CCDC7: variants seen among roughly 807,000 people sequenced by gnomAD.
CCDC7 encodes the protein coiled-coil domain-containing protein 7.
Under a neutral mutation model 196.9 loss-of-function variants are expected in CCDC7, and 183 were observed. The observed-to-expected ratio is 0.93, with a 90% confidence interval of 0.82 to 1.05. The LOEUF (loss-of-function observed/expected upper bound fraction) is 1.05, where lower values mean the gene tolerates loss of function less well. CCDC7 is among the 50% of genes least tolerant of loss of function. The pLI, the probability that CCDC7 is intolerant of heterozygous loss-of-function variation, is 0.00. For missense variants in CCDC7, 1,540 were observed against 1,482.2 expected (o/e 1.04, Z -0.64); for synonymous variants, 525 against 484.6 (o/e 1.08, Z -1.10).
chr10:32,775,205 G>C (rs1394645845), intron 28 of CCDC7, among the ~76,000 whole-genome samples: 1 of 152,110 alleles, frequency 6.6e-6, no homozygotes, highest in Admixed American at 6.5e-5. Context: ...TACTGTTATA[G>C]GTTCAAGACA....
chr10:32,607,446 T>A (rs1337619463), intron 18 of CCDC7, among the ~76,000 whole-genome samples: 2 of 152,206 alleles, frequency 1.3e-5, no homozygotes, highest in Non-Finnish European at 2.9e-5. Context: ...CCCCATTCAG[T>A]ATAATGTTAG....
chr10:32,489,841 G>A (rs1170869562), intron 8 of CCDC7, among the ~76,000 whole-genome samples: 3 of 152,082 alleles, frequency 2.0e-5, no homozygotes, highest in Non-Finnish European at 4.4e-5. Context: ...TGGAGCCTGG[G>A]TACATATGGA....
chr10:32,574,164 C>G (rs1341907341), intron 16 of CCDC7, among the ~76,000 whole-genome samples: 1 of 151,868 alleles, frequency 6.6e-6, no homozygotes, highest in Non-Finnish European at 1.5e-5. Flanking sequence ...AGAATCTATA[C>G]AGTGTGCTCA....
At chr10:32,582,918 T>C (rs1045351851) in intron 16 of CCDC7, 116 bp from the exon 18 acceptor site, 2 of 578,040 alleles carry the variant, frequency 3.5e-6, no homozygotes, top group African/African-American at 3.9e-5. Context: ...AACCATAAAC[T>C]AATGAGTAAT....
intron 13 of CCDC7, among the ~76,000 whole-genome samples, chr10:32,563,374 G>A (rs2056139971): frequency 6.6e-6 from 1 of 152,168 alleles, no homozygotes; most frequent in South Asian, 2.1e-4. Context: ...AAAGCTGGAG[G>A]CATCATGCTA....
chr10:32,686,029 A>G, exon 22 of CCDC7: 1 of 1,588,880 alleles, frequency 6.3e-7, no homozygotes, highest in Non-Finnish European at 8.6e-7. Context: ...ATTGTCAAAA[A>G]CCAAATTACA....
chr10:32,729,534 C>G (rs914930200), intron 28 of CCDC7, 77 bp downstream of exon 29: 2 of 656,604 alleles, frequency 3.0e-6, no homozygotes, highest in African/African-American at 1.8e-5. Context: ...TATAAATATG[C>G]CTTCAACCAT....
At chr10:32,848,680 C>T (rs975325994) in exon 39 of CCDC7, 2 of 1,552,932 alleles carry the variant, frequency 1.3e-6, no homozygotes, top group Non-Finnish European at 1.8e-6. Flanking sequence ...AGTAAATTCC[C>T]AACAAAAGTG....
intron 8 of CCDC7, among the ~76,000 whole-genome samples, chr10:32,475,539 G>A (rs954060313): frequency 6.6e-6 from 1 of 152,286 alleles, no homozygotes; most frequent in African/African-American, 2.4e-5. Context: ...TTGAGATTTT[G>A]CTCATGGTTC....
At chr10:32,752,277 A>G (rs1565393760) in intron 28 of CCDC7, among the ~76,000 whole-genome samples, 1 of 152,106 alleles carries the variant, frequency 6.6e-6, no homozygotes, top group South Asian at 2.1e-4. Flanking sequence ...ATGCCTTCCT[A>G]TGCACATTTA....
chr10:32,660,283 A>G (rs1208403409), intron 20 of CCDC7, among the ~76,000 whole-genome samples: 2 of 60,664 alleles, frequency 3.3e-5, no homozygotes, highest in Admixed American at 1.7e-4. Context: ...GCCTCCCCCC[A>G]CCCCACAACA....
At chr10:32,487,932 AGGG>A (rs2134356220) in intron 8 of CCDC7, among the ~76,000 whole-genome samples, 1 of 152,308 alleles carries the variant, frequency 6.6e-6, no homozygotes, top group Non-Finnish European at 1.5e-5. Flanking sequence ...CTCAGGGGTC[AGGG>A]ACCCACTTGA....
At chr10:32,597,020 A>G (rs1266027999) in intron 18 of CCDC7, among the ~76,000 whole-genome samples, 1 of 152,048 alleles carries the variant, frequency 6.6e-6, no homozygotes, top group Non-Finnish European at 1.5e-5. Flanking sequence ...TGCTCTTCTC[A>G]AGGAATATCT....
intron 30 of CCDC7, among the ~76,000 whole-genome samples, chr10:32,807,934 T>G (rs2086197122): frequency 1.3e-5 from 2 of 152,174 alleles, no homozygotes; most frequent in African/African-American, 4.8e-5. Context: ...TTTTTCCATG[T>G]TGGCCAGGCT....
At chr10:32,872,171 C>G (rs2094453154) in intron 41 of CCDC7, among the ~76,000 whole-genome samples, 1 of 152,082 alleles carries the variant, frequency 6.6e-6, no homozygotes, top group Non-Finnish European at 1.5e-5. Flanking sequence ...TGTTAACTTT[C>G]TGTCTCGTTG....
intron 20 of CCDC7, among the ~76,000 whole-genome samples, chr10:32,647,847 C>G (rs1249729458): frequency 6.6e-6 from 1 of 152,204 alleles, no homozygotes; most frequent in African/African-American, 2.4e-5. Flanking sequence ...TCCTACTTGT[C>G]TATTTTTGTT....
chr10:32,803,758 ACT>A (rs1404688303), intron 29 of CCDC7, among the ~76,000 whole-genome samples: 1 of 151,902 alleles, frequency 6.6e-6, no homozygotes, highest in East Asian at 1.9e-4. Flanking sequence ...ATAGATAAGA[ACT>A]TGTTCTTGTC....
At chr10:32,854,330 T>G (rs2093671160) in intron 40 of CCDC7, 70 bp from the exon 42 acceptor site, 1 of 930,444 alleles carries the variant, frequency 1.1e-6, no homozygotes, top group Non-Finnish European at 1.6e-6. Flanking sequence ...TAAGATTTAT[T>G]TTAACATTTT....
At chr10:32,830,317 C>T (rs1434795431) in intron 32 of CCDC7, among the ~76,000 whole-genome samples, 1 of 148,532 alleles carries the variant, frequency 6.7e-6, no homozygotes, top group Non-Finnish European at 1.5e-5. Flanking sequence ...AAAAGGTAAA[C>T]AAGAAATCCA....
Sources: gnomAD v4.1 joint callset for allele counts (sites outside exome capture counted in the v4.1 genomes callset) on GRCh38, gnomAD v4.1.1 for gene constraint, MANE v1.5 for transcripts, NCBI Gene and HGNC (gene_info 2026-07-23, HGNC 2026-07-21) for gene names.